Variants in TENM1 observed in about 807,000 individuals in gnomAD.
TENM1 encodes teneurin transmembrane protein 1, also known as teneurin-1.
A neutral mutation model predicts 174.8 loss-of-function variants in TENM1; 35 were observed. The observed-to-expected ratio is 0.20, with a 90% CI of 0.15 to 0.27. TENM1 has a LOEUF of 0.27. Among genes scored for constraint, TENM1 ranks in the 10% least tolerant of loss-of-function variants. The probability of loss-of-function intolerance (pLI) is 1.00; values close to 1 mark genes in which losing one functional copy is unlikely to be tolerated. For synonymous variants in TENM1, 781 were observed against 798.7 expected (o/e 0.98, Z 0.37); for missense variants, 1,633 against 2,130.1 (o/e 0.77, Z 4.59).
chrX:124,379,562 G>C (rs144828302), exon 32 of TENM1: 1 of 111,242 alleles, frequency 9.0e-6, no homozygotes, highest in African/African-American at 3.3e-5. Context: ...TGTATGTATC[G>C]GCATCCCAGA....
chrX:124,834,060 G>C (rs1399926346), intron 3 of TENM1, among the ~76,000 whole-genome samples: 1 of 111,289 alleles, frequency 9.0e-6, no homozygotes, highest in African/African-American at 3.3e-5. Flanking sequence ...CCATGCCTGG[G>C]GCAATTGTTG....
chrX:125,124,300 A>T, the TENM1 span, among the ~76,000 whole-genome samples: 1 of 112,415 alleles, frequency 8.9e-6, no homozygotes, highest in Non-Finnish European at 1.9e-5. Context: ...GCTATTATTT[A>T]TCAGTTGTCA....
At chrX:124,761,912 AAC>A (rs1483901686) in intron 3 of TENM1, among the ~76,000 whole-genome samples, 1 of 111,882 alleles carries the variant, frequency 8.9e-6, no homozygotes, top group Non-Finnish European at 1.9e-5. Context: ...GCATCTTAAA[AAC>A]AGTTTGTTAG....
chrX:125,059,475 CAGTT>C, the TENM1 span, among the ~76,000 whole-genome samples: 12 of 110,558 alleles, frequency 1.1e-4, no homozygotes, highest in African/African-American at 3.0e-4. Flanking sequence ...AAAATCTACA[CAGTT>C]AGCATGAATC....
the TENM1 span, among the ~76,000 whole-genome samples, chrX:124,998,540 T>G: frequency 9.0e-6 from 1 of 111,038 alleles, no homozygotes; most frequent in Non-Finnish European, 1.9e-5. Flanking sequence ...ACTGAGTATT[T>G]ACCACATGGC....
the TENM1 span, among the ~76,000 whole-genome samples, chrX:125,176,539 C>T: frequency 9.0e-6 from 1 of 111,361 alleles, no homozygotes; most frequent in Non-Finnish European, 1.9e-5. Context: ...ATGGAAATAA[C>T]CTTTTAAAAA....
chrX:125,116,894 C>A, the TENM1 span, among the ~76,000 whole-genome samples: 3 of 109,273 alleles, frequency 2.7e-5, no homozygotes, highest in Admixed American at 9.7e-5. Flanking sequence ...GCCTATATTC[C>A]CAGCCACTCA....
the TENM1 span, among the ~76,000 whole-genome samples, chrX:125,052,098 T>G: frequency 8.9e-6 from 1 of 112,183 alleles, no homozygotes; most frequent in Non-Finnish European, 1.9e-5. Flanking sequence ...GAAAAAATGC[T>G]CATCATCATT....
rs193063170 is a variant in TENM1, at chrX:124,585,828, T to G, written c.2078-20268A>C. On this transcript the variant is annotated intron_variant, in intron 11 of 31. Coordinates refer to ENST00000422452, the Ensembl canonical transcript of TENM1. ...GAAGAAAAGACAGAATAATCAAATA[T>G]ACGCAATAAAAAATGACAAACGGGA... Among the ~76,000 whole-genome samples the G allele has an allele frequency of 9.4e-3, 1,043 of 110,586 alleles. 20 individuals carry two copies. Among genetic ancestry groups the G allele is most frequent in the African/African-American group, 0.032 (967 of 30,237 alleles).
At chrX:124,586,197 A>G (rs920934294) in intron 11 of TENM1, among the ~76,000 whole-genome samples, 6 of 111,225 alleles carry the variant, frequency 5.4e-5, no homozygotes, top group African/African-American at 2.0e-4. Context: ...TGAGGCCAGC[A>G]TCATCCTGAT....
intron 11 of TENM1, among the ~76,000 whole-genome samples, chrX:124,600,186 G>C (rs1367655744): frequency 1.9e-4 from 21 of 110,433 alleles, no homozygotes; most frequent in Non-Finnish European, 3.8e-5. Flanking sequence ...AAAGAAATTA[G>C]CCTCCTTAGA....
chrX:124,607,109 T>C (rs781111304), intron 11 of TENM1, among the ~76,000 whole-genome samples: 16 of 111,339 alleles, frequency 1.4e-4, no homozygotes, highest in Non-Finnish European at 3.0e-4. Context: ...AAAACAAATA[T>C]CTGTTGGGAA....
exon 32 of TENM1, chrX:124,377,360 A>G (rs1484676536): frequency 6.3e-5 from 7 of 111,109 alleles, no homozygotes; most frequent in African/African-American, 2.3e-4. Context: ...AATTGACAGT[A>G]AAGGACACAC....
At chrX:124,636,389 G>A (rs762691745) in intron 11 of TENM1, among the ~76,000 whole-genome samples, 37 of 111,722 alleles carry the variant, frequency 3.3e-4, no homozygotes, top group Non-Finnish European at 6.8e-4. Flanking sequence ...GTTTTATTAG[G>A]AAGCCTTTTG....
intron 4 of TENM1, 86 bp downstream of exon 7, chrX:124,736,869 ATG>A: frequency 9.2e-7 from 1 of 1,084,115 alleles, no homozygotes; most frequent in Admixed American, 2.7e-5. Flanking sequence ...GTCTCTGCAG[ATG>A]TGTGTGATGA....
chrX:124,388,970 CA>C (rs2060253180), intron 28 of TENM1, among the ~76,000 whole-genome samples: 1 of 112,296 alleles, frequency 8.9e-6, no homozygotes, highest in Non-Finnish European at 1.9e-5. Context: ...GAAAGGTTTA[CA>C]TTTACTCTAA....
At position 124,561,172 on chromosome X, in the gene TENM1, A is replaced by G. The variant is rs747795719; in HGVS notation, c.2434+499T>C. On this transcript the variant is annotated intron_variant, in intron 14 of 31. Transcript: ENST00000422452. The stretch of plus-strand genomic sequence containing the variant: ...AAAAATATTTTAGCATGTCTAGTGC[A>G]AACTATGCTAACATCAAACAACTTG... 4.1e-4 allele frequency among the ~76,000 whole-genome samples: 46 copies of G among 112,469 alleles called. 1 individual carries two copies. The highest frequency in any genetic ancestry group is 1.4e-3 in the African/African-American group (42 of 30,985).
At chrX:125,163,827 G>C in the TENM1 span, among the ~76,000 whole-genome samples, 6 of 110,645 alleles carry the variant, frequency 5.4e-5, no homozygotes, top group African/African-American at 1.6e-4. Flanking sequence ...TTTCCATAAG[G>C]ACTTATTTTG....
chrX:124,620,192 A>G (rs2050486734), intron 11 of TENM1, among the ~76,000 whole-genome samples: 1 of 111,780 alleles, frequency 8.9e-6, no homozygotes, highest in African/African-American at 3.2e-5. Context: ...ACCATACCCT[A>G]TCTTAAAGCT....
Sources: gnomAD v4.1 joint callset for allele counts (sites outside exome capture counted in the v4.1 genomes callset) on GRCh38, gnomAD v4.1.1 for gene constraint, MANE v1.5 for transcripts, NCBI Gene and HGNC (gene_info 2026-07-23, HGNC 2026-07-21) for gene names.